The following CSGALNACT2 variants were observed in gnomAD, a reference collection of about 807,000 sequenced individuals.
CSGALNACT2 encodes chondroitin sulfate N-acetylgalactosaminyltransferase 2.
A neutral mutation model predicts 55.3 loss-of-function variants in CSGALNACT2; 35 were observed. The observed-to-expected ratio is 0.63, with a 90% CI of 0.48 to 0.84. The LOEUF (loss-of-function observed/expected upper bound fraction) is 0.84. CSGALNACT2 is among the 40% of genes least tolerant of loss of function. CSGALNACT2 has a pLI of 0.00. For synonymous variants in CSGALNACT2, 196 were observed against 224.9 expected (o/e 0.87, Z 1.15); for missense variants, 544 against 657.5 (o/e 0.83, Z 1.89).
At chr10:43,181,910 TTAAAG>T (rs1271145484) in intron 7 of CSGALNACT2, among the ~76,000 whole-genome samples, 2 of 26,278 alleles carry the variant, frequency 7.6e-5, no homozygotes, top group South Asian at 8.1e-4. Context: ...GATTAAGAGA[TTAAAG>T]TAAAGACAGG....
Position 43,183,467 on chromosome 10 carries a change from G to C in CSGALNACT2, c.1554G>C (p.Met518Ile), listed in dbSNP as rs1255278494. Reference sequence around the variant, plus strand: ...AGGCCTCTCACTCCCACCTGGGAATGCTGGTCTTCAGGGAGGAAATAGAGA... The same window carrying C: ...AGGCCTCTCACTCCCACCTGGGAATCCTGGTCTTCAGGGAGGAAATAGAGA... ...MNEASHSHLG[M>I]LVFREEIETH... Residue 518 changes from methionine (M) to isoleucine (I), a missense_variant, in exon 8 of 8, where the codon ATG becomes ATC. By Grantham distance (10) the Met-to-Ile change is conservative (BLOSUM62 1). This residue lies in a region of CSGALNACT2 where 170 missense variants were observed against 256.2 expected (regional missense o/e 0.66). Transcript: ENST00000374466. 1 of 1,614,162 alleles carries C rather than the reference G, an allele frequency of 6.2e-7. No homozygotes were observed. The highest frequency in any genetic ancestry group is 1.1e-5 in the South Asian group (1 of 91,086).
chr10:43,171,158 A>G (rs563421142), intron 6 of CSGALNACT2, among the ~76,000 whole-genome samples: 1 of 152,336 alleles, frequency 6.6e-6, no homozygotes, highest in South Asian at 2.1e-4. Context: ...TACCACAACA[A>G]TGTAAGATGA....
chr10:43,143,836 A>C (rs1407686788), intron 1 of CSGALNACT2, among the ~76,000 whole-genome samples: 2 of 152,326 alleles, frequency 1.3e-5, no homozygotes, highest in South Asian at 4.1e-4. Context: ...TGCCTGACAC[A>C]CAGTAGGTAA....
chr10:43,141,623 TCA>T (rs1491121378), intron 1 of CSGALNACT2, among the ~76,000 whole-genome samples: 49 of 39,442 alleles, frequency 1.2e-3, no homozygotes, highest in African/African-American at 5.2e-3. Flanking sequence ...TGAAACTGTC[TCA>T]AAAAAAAAAA....
rs1013982248 is a variant in CSGALNACT2, at chr10:43,162,615, T to A, written c.981-1251T>A. ...ATGCACTATTTGAGCCTTTGTTCCA[T>A]CTCTCCATTACCCATTCTGTACTGT... On this transcript the variant is annotated intron_variant, in intron 4 of 7. Coordinates refer to ENST00000374466, the MANE Select transcript of CSGALNACT2 (RefSeq NM_018590.5). 4.1e-6 allele frequency: 4 copies of A among 985,328 alleles called. No homozygotes were observed. In the African/African-American group the frequency reaches 7.0e-5, roughly 17 times the overall value. The allele number at this position is 985,328 out of a possible 1,614,324, so 61.0% of individuals were successfully genotyped here.
At chr10:43,149,939 T>C (rs191601950) in intron 1 of CSGALNACT2, among the ~76,000 whole-genome samples, 127 of 152,192 alleles carry the variant, frequency 8.3e-4, no homozygotes, top group African/African-American at 2.9e-3. Flanking sequence ...TGGTGGTGCA[T>C]GCCTGTAATC....
At chr10:43,162,772 A>G in intron 4 of CSGALNACT2, 2 of 910,158 alleles carry the variant, frequency 2.2e-6, no homozygotes, top group Non-Finnish European at 2.6e-6. Context: ...CTCCAGCCCT[A>G]GCATCTGATT....
At position 43,167,111 on chromosome 10, in the gene CSGALNACT2, C is replaced by T; in HGVS notation, c.1254+13C>T. On this transcript the variant is annotated intron_variant, in intron 6 of 7. Coordinates refer to ENST00000374466, the MANE Select transcript of CSGALNACT2 (RefSeq NM_018590.5). ...GGAGCAGCAGCTGGTGAGACTTTCA[C>T]ATTTTCAGTTATGAAAGACTCTAAA... 1 of 1,533,560 alleles carries T rather than the reference C, an allele frequency of 6.5e-7. No individual in the cohort carries two copies. Among genetic ancestry groups the T allele is most frequent in the Non-Finnish European group, 9.0e-7 (1 of 1,107,608 alleles). The allele number at this position is 1,533,560 out of a possible 1,614,324, so 95.0% of individuals were successfully genotyped here.
At chr10:43,171,424 C>T (rs116931908) in intron 6 of CSGALNACT2, among the ~76,000 whole-genome samples, 6,614 of 150,556 alleles carry the variant, frequency 0.044, 180 homozygotes, top group South Asian at 0.089. Flanking sequence ...ATGATCTTGG[C>T]TCACTGGAAA....
chr10:43,160,394 G>A, intron 3 of CSGALNACT2, 100 bp from the exon 4 acceptor site: 1 of 661,798 alleles, frequency 1.5e-6, no homozygotes, highest in Admixed American at 2.7e-5. Flanking sequence ...TACTGTGTCA[G>A]TAATGCCTCA....
chr10:43,161,285 A>G (rs1839142588), intron 4 of CSGALNACT2, among the ~76,000 whole-genome samples: 1 of 152,202 alleles, frequency 6.6e-6, no homozygotes. Flanking sequence ...TTGACAACCT[A>G]ACCAGTATTT....
chr10:43,139,747 G>A (rs144721299), intron 1 of CSGALNACT2, among the ~76,000 whole-genome samples: 15 of 152,250 alleles, frequency 9.9e-5, no homozygotes, highest in African/African-American at 3.1e-4. Context: ...ATGGAATCAC[G>A]TAGTATTCTC....
intron 1 of CSGALNACT2, among the ~76,000 whole-genome samples, chr10:43,147,629 T>C (rs1838786347): frequency 6.6e-6 from 1 of 152,186 alleles, no homozygotes; most frequent in Non-Finnish European, 1.5e-5. Context: ...TTGAATTACA[T>C]GCTAGTGGAT....
intron 5 of CSGALNACT2, among the ~76,000 whole-genome samples, chr10:43,164,434 C>T (rs1839216240): frequency 1.3e-5 from 2 of 152,164 alleles, no homozygotes; most frequent in Admixed American, 6.5e-5. Flanking sequence ...CAAAAATACC[C>T]CCATGCATGT....
intron 7 of CSGALNACT2, among the ~76,000 whole-genome samples, chr10:43,179,353 C>A (rs1207108372): frequency 1.3e-5 from 2 of 148,898 alleles, no homozygotes; most frequent in Admixed American, 6.7e-5. Flanking sequence ...ACTGTGGCAA[C>A]TCTGGATACT....
intron 2 of CSGALNACT2, among the ~76,000 whole-genome samples, chr10:43,157,356 A>T (rs1404094451): frequency 6.6e-6 from 1 of 152,220 alleles, no homozygotes; most frequent in African/African-American, 2.4e-5. Flanking sequence ...TAAATGGAAC[A>T]TATTCTGTTC....
intron 1 of CSGALNACT2, among the ~76,000 whole-genome samples, chr10:43,145,811 G>T (rs1346926849): frequency 6.6e-6 from 1 of 152,156 alleles, no homozygotes. Context: ...CAAGGTCAAG[G>T]TTGTTTTAAT....
chr10:43,145,413 T>TC (rs1187689099), intron 1 of CSGALNACT2, among the ~76,000 whole-genome samples: 50 of 143,356 alleles, frequency 3.5e-4, no homozygotes, highest in African/African-American at 1.1e-3. Context: ...TTTGTTTCTT[T>TC]TTTTTTTTTT....
intron 2 of CSGALNACT2, among the ~76,000 whole-genome samples, 189 bp downstream of exon 2, chr10:43,155,999 A>G (rs1244738323): frequency 1.3e-5 from 2 of 152,244 alleles, no homozygotes; most frequent in Admixed American, 1.3e-4. Flanking sequence ...TCATTGCACC[A>G]AGAATTTTAA....
Sources: allele counts gnomAD v4.1 joint callset (sites outside exome capture counted in the v4.1 genomes callset), GRCh38; gene constraint gnomAD v4.1.1; regional missense constraint gnomAD v4.1.1; transcripts MANE v1.5; gene names NCBI Gene and HGNC (gene_info 2026-07-23, HGNC 2026-07-21).